Variants in TBL1XR1 observed in about 807,000 individuals in gnomAD.
TBL1XR1 encodes the protein F-box-like/WD repeat-containing protein TBL1XR1.
A neutral mutation model predicts 66.9 loss-of-function variants in TBL1XR1; 5 were observed. The observed-to-expected ratio is 0.07, with a 90% CI of 0.04 to 0.16. The LOEUF is 0.16. Ranked by LOEUF, TBL1XR1 falls within the 10% of genes least tolerant of loss-of-function variation. The pLI is 1.00. For synonymous variants in TBL1XR1, 210 were observed against 206.0 expected, an observed-to-expected ratio of 1.02 and a Z score of -0.17; for missense variants, 238 against 623.2, an observed-to-expected ratio of 0.38 and a Z score of 6.58.
chr3:177,064,297 C>A (rs1451460918), intron 3 of TBL1XR1, among the ~76,000 whole-genome samples: 1 of 152,198 alleles, frequency 6.6e-6, no homozygotes, highest in Non-Finnish European at 1.5e-5. Flanking sequence ...CCATACCCAA[C>A]CATGTTCCCT....
intron 1 of TBL1XR1, among the ~76,000 whole-genome samples, chr3:177,176,954 T>C (rs1391601329): frequency 1.3e-5 from 2 of 152,096 alleles, no homozygotes; most frequent in East Asian, 3.9e-4. Flanking sequence ...TACTCCAGCT[T>C]GGGCAACAAA....
chr3:177,093,643 G>A (rs940491023), intron 2 of TBL1XR1, among the ~76,000 whole-genome samples: 3 of 152,300 alleles, frequency 2.0e-5, no homozygotes, highest in African/African-American at 7.2e-5. Flanking sequence ...CAATGGAACA[G>A]AACAGAGAAC....
chr3:177,080,039 C>A (rs1390258361), intron 2 of TBL1XR1: 1 of 152,084 alleles, frequency 6.6e-6, no homozygotes, highest in Non-Finnish European at 1.5e-5. Context: ...AAGAATCAAT[C>A]AAATGTAAGA....
At chr3:177,085,725 T>G (rs985650902) in intron 2 of TBL1XR1, among the ~76,000 whole-genome samples, 2 of 152,174 alleles carry the variant, frequency 1.3e-5, no homozygotes, top group African/African-American at 4.8e-5. Flanking sequence ...AAATTCTGTT[T>G]TAATAAAAGA....
intron 12 of TBL1XR1, among the ~76,000 whole-genome samples, chr3:177,036,817 T>C (rs1714855733): frequency 6.6e-6 from 1 of 152,230 alleles, no homozygotes; most frequent in South Asian, 2.1e-4. Flanking sequence ...TTTTCCCTCA[T>C]GATTTTCATA....
intron 8 of TBL1XR1, 33 bp downstream of exon 8, chr3:177,047,453 A>G (rs1027998285): frequency 2.5e-6 from 4 of 1,608,844 alleles, no homozygotes; most frequent in Non-Finnish European, 2.5e-6. Context: ...CTTTAGATCA[A>G]CAACAAAGTA....
intron 3 of TBL1XR1, among the ~76,000 whole-genome samples, chr3:177,057,809 G>T: frequency 6.6e-6 from 1 of 152,210 alleles, no homozygotes; most frequent in African/African-American, 2.4e-5. Context: ...ACACTGACTA[G>T]GGTATTGAGA....
At chr3:177,065,700 CAGAA>C (rs1719065756) in intron 2 of TBL1XR1, among the ~76,000 whole-genome samples, 1 of 152,166 alleles carries the variant, frequency 6.6e-6, no homozygotes, top group Non-Finnish European at 1.5e-5. Flanking sequence ...CCTCATGTCA[CAGAA>C]ATGACTGAAA....
rs1487522412 is a variant in TBL1XR1, at chr3:177,026,770, ACAGT to A, written c.1417-300_1417-297del. Reference sequence around the variant, plus strand: ...CATAGCCAACAATAGCTAGAAGTAAACAGTCAGTCTATCACATGAAATAAGTTTT... The same window carrying A: ...CATAGCCAACAATAGCTAGAAGTAAACAGTCTATCACATGAAATAAGTTTT... On this transcript the variant is annotated intron_variant, in intron 14 of 15. Transcript: ENST00000457928. The A allele has an allele frequency of 3.0e-5, 8 of 267,742 alleles. No individual in the cohort carries two copies. The East Asian group carries it at 3.1e-4, about 10-fold the overall frequency. 16.6% of individuals were successfully genotyped at this position (267,742 alleles called of 1,614,324 possible).
chr3:177,058,215 T>TA (rs1718054914), intron 3 of TBL1XR1, among the ~76,000 whole-genome samples: 1 of 152,180 alleles, frequency 6.6e-6, no homozygotes, highest in African/African-American at 2.4e-5. Flanking sequence ...AGGTCCTATA[T>TA]AAGCTTCAAG....
intron 1 of TBL1XR1, among the ~76,000 whole-genome samples, chr3:177,165,639 C>G (rs989391411): frequency 1.3e-5 from 2 of 152,078 alleles, no homozygotes; most frequent in Non-Finnish European, 2.9e-5. Flanking sequence ...CAAAATAGCC[C>G]AGAATACATC....
chr3:177,133,283 G>A (rs1168100274), intron 1 of TBL1XR1, among the ~76,000 whole-genome samples: 1 of 151,808 alleles, frequency 6.6e-6, no homozygotes, highest in Non-Finnish European at 1.5e-5. Flanking sequence ...GCAAAACTCT[G>A]TCTCAAAAAA....
At chr3:177,118,983 G>A (rs1223194002) in intron 1 of TBL1XR1, among the ~76,000 whole-genome samples, 1 of 151,820 alleles carries the variant, frequency 6.6e-6, no homozygotes, top group Non-Finnish European at 1.5e-5. Flanking sequence ...TTTGTTTTTT[G>A]TTTTTGAGAC....
chr3:177,195,676 A>C (rs1224373750), intron 1 of TBL1XR1: 1 of 151,622 alleles, frequency 6.6e-6, no homozygotes, highest in Admixed American at 6.6e-5. Flanking sequence ...TTTAGGAAAA[A>C]CGGAGGGGGA....
At chr3:177,144,074 C>T (rs1319071653) in intron 1 of TBL1XR1, among the ~76,000 whole-genome samples, 1 of 151,800 alleles carries the variant, frequency 6.6e-6, no homozygotes, top group Non-Finnish European at 1.5e-5. Flanking sequence ...GGAGAAACCC[C>T]GTCTCTACTA....
intron 2 of TBL1XR1, among the ~76,000 whole-genome samples, chr3:177,082,418 T>C (rs1359452029): frequency 1.3e-5 from 2 of 151,946 alleles, no homozygotes; most frequent in African/African-American, 4.8e-5. Context: ...TCTTATATCT[T>C]GTAATTACAA....
At chr3:177,151,473 AC>A (rs1326935764) in intron 1 of TBL1XR1, among the ~76,000 whole-genome samples, 4 of 152,158 alleles carry the variant, frequency 2.6e-5, no homozygotes, top group African/African-American at 9.7e-5. Flanking sequence ...CCTATTGTGA[AC>A]TGCACATTTG....
At chr3:177,112,787 G>A (rs1443750745) in intron 1 of TBL1XR1, among the ~76,000 whole-genome samples, 4 of 151,968 alleles carry the variant, frequency 2.6e-5, no homozygotes, top group East Asian at 3.9e-4. Context: ...GGCGGATCAC[G>A]AAGTCAGGAG....
chr3:177,130,155 A>AG lies in TBL1XR1; in HGVS notation c.-121-31615_-121-31614insC, dbSNP rs1316901737. On this transcript the variant is annotated intron_variant, in intron 1 of 15. Transcript: ENST00000457928. Reference sequence around the variant, plus strand: ...CTGAGACTCCATCTCAAAAAAAAAAAAAAGAAAGAAAGAAAAAGAATAAAT... The same window carrying AG: ...CTGAGACTCCATCTCAAAAAAAAAAAGAAAGAAAGAAAGAAAAAGAATAAAT... Among the ~76,000 whole-genome samples, 4 of 151,086 alleles carry AG rather than the reference A, an allele frequency of 2.6e-5. No individual in the cohort carries two copies. In the East Asian group the frequency reaches 5.8e-4, roughly 22 times the overall value.
Sources: gnomAD v4.1 joint callset for allele counts (sites outside exome capture counted in the v4.1 genomes callset) on GRCh38, gnomAD v4.1.1 for gene constraint, MANE v1.5 for transcripts, NCBI Gene and HGNC (gene_info 2026-07-23, HGNC 2026-07-21) for gene names.